Variants in KCTD8 observed in about 807,000 individuals in gnomAD.
KCTD8 encodes the protein BTB/POZ domain-containing protein KCTD8.
A neutral mutation model predicts 31.5 loss-of-function variants in KCTD8; 27 were observed. That is an observed-to-expected ratio of 0.86 (90% CI 0.63 to 1.18). KCTD8 has a LOEUF of 1.18. KCTD8 is among the 50% of genes most tolerant of loss of function. The pLI is 0.00. For synonymous variants in KCTD8, 290 were observed against 280.0 expected, an observed-to-expected ratio of 1.04 and a Z score of -0.36; for missense variants, 658 against 647.7, an observed-to-expected ratio of 1.02 and a Z score of -0.17.
At chr4:44,308,245 T>C (rs960470334) in intron 1 of KCTD8, among the ~76,000 whole-genome samples, 5 of 152,054 alleles carry the variant, frequency 3.3e-5, no homozygotes, top group Non-Finnish European at 1.5e-5. Flanking sequence ...AACTGGTATA[T>C]CGATATAGTA....
chr4:44,442,755 C>T (rs1337744264), intron 1 of KCTD8, among the ~76,000 whole-genome samples: 5 of 83,690 alleles, frequency 6.0e-5, no homozygotes, highest in African/African-American at 2.2e-4. Flanking sequence ...TCCAAAGAGG[C>T]TTTTTCTTAA....
At chr4:44,348,787 T>C (rs547656949) in intron 1 of KCTD8, among the ~76,000 whole-genome samples, 43 of 152,188 alleles carry the variant, frequency 2.8e-4, no homozygotes, top group African/African-American at 8.7e-4. Context: ...AAACCGGTTA[T>C]ATGACCTTCT....
chr4:44,221,649 C>T (rs1240380736), intron 1 of KCTD8, among the ~76,000 whole-genome samples: 2 of 152,108 alleles, frequency 1.3e-5, no homozygotes, highest in Non-Finnish European at 2.9e-5. Flanking sequence ...GTCCAGGAGT[C>T]CAAAAGCTGA....
At chr4:44,443,017 T>A (rs1440199102) in intron 1 of KCTD8, among the ~76,000 whole-genome samples, 1 of 152,166 alleles carries the variant, frequency 6.6e-6, no homozygotes, top group East Asian at 1.9e-4. Flanking sequence ...TAAACAACAA[T>A]CGGTGTCATA....
intron 1 of KCTD8, among the ~76,000 whole-genome samples, chr4:44,237,365 C>T (rs1388297221): frequency 6.6e-6 from 1 of 152,164 alleles, no homozygotes; most frequent in South Asian, 2.1e-4. Context: ...CACAGCAGTT[C>T]CTGCTCCTCT....
rs1236111686 is a variant in KCTD8, at chr4:44,340,794, T to C, written c.961+106769A>G. Among the ~76,000 whole-genome samples the C allele has an allele frequency of 3.3e-5, 5 of 152,052 alleles. No homozygotes were observed. In the East Asian group the frequency reaches 7.7e-4, roughly 23 times the overall value. ...AAAGTCCAAGTTCAGGCAAAATTAA[T>C]CTATGATGATAACAATCAGAAGAGT... On this transcript the variant is annotated intron_variant, in intron 1 of 1. Transcript: ENST00000360029.
intron 1 of KCTD8, among the ~76,000 whole-genome samples, chr4:44,335,872 C>T (rs1397424452): frequency 2.0e-5 from 3 of 151,946 alleles, no homozygotes; most frequent in African/African-American, 4.8e-5. Flanking sequence ...ATATAAAGGC[C>T]GGGCGCGGTG....
chr4:44,248,610 C>A (rs1715735939), intron 1 of KCTD8, among the ~76,000 whole-genome samples: 1 of 151,880 alleles, frequency 6.6e-6, no homozygotes, highest in South Asian at 2.1e-4. Context: ...AAGCATGAAT[C>A]AATATCTCAT....
intron 1 of KCTD8, among the ~76,000 whole-genome samples, chr4:44,241,444 G>A (rs1161094218): frequency 2.0e-5 from 3 of 152,082 alleles, no homozygotes; most frequent in African/African-American, 4.8e-5. Flanking sequence ...AATTCTTTAC[G>A]ATTATCTCTA....
At chr4:44,344,460 A>G (rs1042245322) in intron 1 of KCTD8, among the ~76,000 whole-genome samples, 2 of 152,160 alleles carry the variant, frequency 1.3e-5, no homozygotes, top group African/African-American at 4.8e-5. Context: ...TGCTGGAATG[A>G]CAAGGTTAGT....
chr4:44,261,785 A>G (rs1345544858), intron 1 of KCTD8, among the ~76,000 whole-genome samples: 1 of 152,158 alleles, frequency 6.6e-6, no homozygotes, highest in East Asian at 1.9e-4. Flanking sequence ...ATGGCTGAAT[A>G]ATATTTCATT....
chr4:44,439,374 G>C (rs898446482), intron 1 of KCTD8, among the ~76,000 whole-genome samples: 1 of 151,982 alleles, frequency 6.6e-6, no homozygotes, highest in Non-Finnish European at 1.5e-5. Flanking sequence ...GGTTTAATGA[G>C]AGACTGGTTA....
intron 1 of KCTD8, among the ~76,000 whole-genome samples, chr4:44,300,717 C>T (rs553319553): frequency 5.4e-4 from 82 of 151,762 alleles, no homozygotes; most frequent in Admixed American, 2.6e-4. Flanking sequence ...AATAAGAACT[C>T]TTTTTTTTAT....
At chr4:44,282,391 A>G (rs1330325771) in intron 1 of KCTD8, among the ~76,000 whole-genome samples, 1 of 152,104 alleles carries the variant, frequency 6.6e-6, no homozygotes, top group Non-Finnish European at 1.5e-5. Context: ...ATTGCTAGAT[A>G]TTATGTGTGT....
intron 1 of KCTD8, among the ~76,000 whole-genome samples, chr4:44,300,404 A>G (rs866779182): frequency 2.6e-5 from 4 of 152,234 alleles, no homozygotes; most frequent in Non-Finnish European, 5.9e-5. Context: ...CTCTTTTCAA[A>G]TAAAAACTTG....
intron 1 of KCTD8, among the ~76,000 whole-genome samples, chr4:44,224,903 TC>T (rs1714910196): frequency 6.7e-4 from 2 of 3,000 alleles, no homozygotes; most frequent in Non-Finnish European, 1.1e-3. Context: ...GAAGGAGACA[TC>T]ACTACTTCTT....
chr4:44,265,177 T>G (rs1320574771), intron 1 of KCTD8, among the ~76,000 whole-genome samples: 2 of 152,020 alleles, frequency 1.3e-5, no homozygotes, highest in Non-Finnish European at 2.9e-5. Context: ...CACGGCCGGG[T>G]ACTCCTCTGA....
chr4:44,334,451 T>C (rs936066644), intron 1 of KCTD8, among the ~76,000 whole-genome samples: 7 of 152,030 alleles, frequency 4.6e-5, no homozygotes, highest in Admixed American at 2.0e-4. Flanking sequence ...CATCCAGTCA[T>C]ACTAGTTCTG....
At chr4:44,387,306 T>C (rs1720249894) in intron 1 of KCTD8, among the ~76,000 whole-genome samples, 2 of 151,754 alleles carry the variant, frequency 1.3e-5, no homozygotes, top group South Asian at 4.1e-4. Context: ...CCCAAAGCAA[T>C]TTATACATTC....
Sources: allele counts gnomAD v4.1 joint callset (sites outside exome capture counted in the v4.1 genomes callset), GRCh38; gene constraint gnomAD v4.1.1; transcripts MANE v1.5; gene names NCBI Gene and HGNC (gene_info 2026-07-23, HGNC 2026-07-21).